The following MAPK10 variants were observed in gnomAD, a reference collection of about 807,000 sequenced individuals.
MAPK10 encodes mitogen-activated protein kinase 10.
A neutral mutation model predicts 59.3 loss-of-function variants in MAPK10; 25 were observed. The ratio of observed to expected loss-of-function variants is 0.42; its 90% CI spans 0.31 to 0.59. The LOEUF (loss-of-function observed/expected upper bound fraction) is 0.59, where lower values mean the gene tolerates loss of function less well. Among genes scored for constraint, MAPK10 ranks in the 20% least tolerant of loss-of-function variants. MAPK10 has a pLI of 0.15. For missense variants in MAPK10, 351 were observed against 568.9 expected, an observed-to-expected ratio of 0.62 and a Z score of 3.90; for synonymous variants, 190 against 200.5, an observed-to-expected ratio of 0.95 and a Z score of 0.44.
At chr4:86,389,349 A>G (rs1741902821) in intron 1 of MAPK10, among the ~76,000 whole-genome samples, 1 of 152,158 alleles carries the variant, frequency 6.6e-6, no homozygotes, top group South Asian at 2.1e-4. Flanking sequence ...AGTCTCAGGT[A>G]TTTTCTTATA....
chr4:86,516,307 G>A (rs918777167), intron 1 of MAPK10, among the ~76,000 whole-genome samples: 77 of 152,104 alleles, frequency 5.1e-4, no homozygotes, highest in African/African-American at 1.8e-3. Flanking sequence ...GTTTGAAGTC[G>A]GGTAATGTGA....
chr4:86,345,716 C>G (rs1252601722), intron 2 of MAPK10, among the ~76,000 whole-genome samples: 1 of 152,130 alleles, frequency 6.6e-6, no homozygotes, highest in Non-Finnish European at 1.5e-5. Context: ...TCTTGATTCC[C>G]TCTCCATATA....
intron 3 of MAPK10, among the ~76,000 whole-genome samples, chr4:86,175,562 A>G (rs2075499251): frequency 6.6e-6 from 1 of 151,910 alleles, no homozygotes; most frequent in Admixed American, 6.6e-5. Context: ...TGGTTGTTTA[A>G]AAGTGTGTGA....
chr4:86,160,288 T>C (rs1415915124), intron 3 of MAPK10: 3 of 152,124 alleles, frequency 2.0e-5, no homozygotes, highest in Middle Eastern at 3.4e-3. Context: ...ATTGTACTTA[T>C]GACATAAATA....
chr4:86,505,579 C>G (rs1755682237), intron 1 of MAPK10, among the ~76,000 whole-genome samples: 1 of 151,906 alleles, frequency 6.6e-6, no homozygotes, highest in African/African-American at 2.4e-5. Flanking sequence ...AGAGTGAGAC[C>G]CTGTTTTTAA....
At chr4:86,023,376 C>A (rs1314853849) in intron 13 of MAPK10, among the ~76,000 whole-genome samples, 4 of 152,052 alleles carry the variant, frequency 2.6e-5, no homozygotes, top group African/African-American at 9.7e-5. Flanking sequence ...GTAAATTTCC[C>A]AGCTGTGTTG....
intron 1 of MAPK10, among the ~76,000 whole-genome samples, chr4:86,408,148 GT>G (rs1744614463): frequency 1.3e-5 from 2 of 148,320 alleles, no homozygotes; most frequent in Admixed American, 1.4e-4. Context: ...AGAACATGCA[GT>G]GTTTGCTTTT....
chr4:86,138,982 G>A (rs2062920286), intron 4 of MAPK10, among the ~76,000 whole-genome samples: 1 of 115,236 alleles, frequency 8.7e-6, no homozygotes, highest in African/African-American at 2.5e-5. Flanking sequence ...CAAGGGATGT[G>A]AAGGACCTCT....
chr4:86,496,126 G>C (rs1156829238), intron 1 of MAPK10, among the ~76,000 whole-genome samples: 1 of 152,054 alleles, frequency 6.6e-6, no homozygotes, highest in African/African-American at 2.4e-5. Context: ...ATGCTATAGG[G>C]ACAACAACTT....
chr4:86,494,586 C>T (rs1465438376), intron 1 of MAPK10, among the ~76,000 whole-genome samples: 4 of 152,006 alleles, frequency 2.6e-5, no homozygotes, highest in Non-Finnish European at 4.4e-5. Flanking sequence ...TGGCTCACAC[C>T]CGTAATCCCA....
intron 1 of MAPK10, among the ~76,000 whole-genome samples, chr4:86,528,500 G>A (rs1349419588): frequency 2.6e-5 from 4 of 151,988 alleles, no homozygotes; most frequent in Non-Finnish European, 5.9e-5. Flanking sequence ...GTCTACTAAG[G>A]CATCTCAACT....
intron 1 of MAPK10, among the ~76,000 whole-genome samples, chr4:86,473,718 C>G (rs186043619): frequency 1.3e-5 from 2 of 152,320 alleles, no homozygotes; most frequent in Admixed American, 6.5e-5. Flanking sequence ...CTAATGTCCA[C>G]TAGTCCACTA....
chr4:86,281,038 C>T lies in MAPK10; in HGVS notation c.-7+73492G>A, dbSNP rs144409776. Among the ~76,000 whole-genome samples the T allele has an allele frequency of 2.0e-5, 3 of 152,242 alleles. No individual in the cohort carries two copies. The East Asian group carries it at 5.8e-4, about 29-fold the overall frequency. ...ACAGTTTCATTCATACCCCAAACCT[C>T]AGCATATACAATATACCCTGTGACA... On this transcript the variant is annotated intron_variant, in intron 2 of 13. Transcript: ENST00000641462.
intron 4 of MAPK10, among the ~76,000 whole-genome samples, chr4:86,148,456 A>G (rs776851256): frequency 6.6e-6 from 1 of 152,094 alleles, no homozygotes; most frequent in Non-Finnish European, 1.5e-5. Context: ...AACTTTACCC[A>G]TAAGCAGTAT....
intron 1 of MAPK10, among the ~76,000 whole-genome samples, chr4:86,490,415 T>C (rs1754369400): frequency 1.3e-5 from 2 of 152,226 alleles, no homozygotes; most frequent in South Asian, 2.1e-4. Flanking sequence ...GGTAAGCGTA[T>C]GGGCCAAGTT....
chr4:86,359,602 A>T (rs1218085256), intron 1 of MAPK10, 56 bp downstream of exon 1: 1 of 852,032 alleles, frequency 1.2e-6, no homozygotes, highest in Non-Finnish European at 1.4e-6. Flanking sequence ...ATCAATAGAC[A>T]TCACCCCACC....
At chr4:86,510,207 T>G (rs1175071989) in intron 1 of MAPK10, among the ~76,000 whole-genome samples, 2 of 151,984 alleles carry the variant, frequency 1.3e-5, no homozygotes, top group African/African-American at 4.8e-5. Flanking sequence ...CAAACACCTG[T>G]GCTCAATCAA....
intron 11 of MAPK10, among the ~76,000 whole-genome samples, chr4:86,056,047 A>G (rs1389735230): frequency 6.7e-6 from 1 of 150,072 alleles, no homozygotes; most frequent in Non-Finnish European, 1.5e-5. Context: ...TGTCTTGAGG[A>G]CATGCCCTAA....
intron 9 of MAPK10, among the ~76,000 whole-genome samples, chr4:86,083,518 C>T (rs1347600661): frequency 6.6e-6 from 1 of 152,132 alleles, no homozygotes. Context: ...GGGGAATCGC[C>T]AATCCCAGCA....
Sources: allele counts gnomAD v4.1 joint callset (sites outside exome capture counted in the v4.1 genomes callset), GRCh38; gene constraint gnomAD v4.1.1; transcripts MANE v1.5; gene names NCBI Gene and HGNC (gene_info 2026-07-23, HGNC 2026-07-21).